Variants in STIM1 observed in about 807,000 individuals in gnomAD.
STIM1 encodes the protein stromal interaction molecule 1.
A neutral mutation model predicts 74.7 loss-of-function variants in STIM1; 25 were observed. That is an observed-to-expected ratio of 0.33 (90% CI 0.24 to 0.47). STIM1 has a LOEUF of 0.47. Among genes scored for constraint, STIM1 ranks in the 20% least tolerant of loss-of-function variants. The probability of loss-of-function intolerance (pLI) is 1.00; values close to 1 mark genes in which losing one functional copy is unlikely to be tolerated. For synonymous variants in STIM1, 328 were observed against 348.8 expected (o/e 0.94, Z 0.66); for missense variants, 728 against 920.8 (o/e 0.79, Z 2.71).
intron 3 of STIM1, among the ~76,000 whole-genome samples, chr11:4,035,526 G>A (rs1286501372): frequency 6.6e-6 from 1 of 151,230 alleles, no homozygotes; most frequent in Non-Finnish European, 1.5e-5. Context: ...ATGAAATGTT[G>A]TGCTTTTTTT....
chr11:4,058,638 T>A (rs1399092254), intron 4 of STIM1: 1 of 251,680 alleles, frequency 4.0e-6, no homozygotes, highest in Non-Finnish European at 6.3e-6. Context: ...TTCACAGGCT[T>A]TCTCTTATTA....
chr11:3,972,912 C>G (rs551190485), intron 2 of STIM1: 2 of 499,916 alleles, frequency 4.0e-6, no homozygotes, highest in African/African-American at 2.0e-5. Context: ...TTCCTCCTTT[C>G]GTGCATCCAA....
chr11:3,864,532 G>A (rs2090774878), intron 1 of STIM1, among the ~76,000 whole-genome samples: 1 of 152,210 alleles, frequency 6.6e-6, no homozygotes, highest in South Asian at 2.1e-4. Context: ...TGGACATGAT[G>A]ATTGGTTTCC....
chr11:3,989,909 C>A (rs1018645530), intron 2 of STIM1, among the ~76,000 whole-genome samples: 2 of 152,196 alleles, frequency 1.3e-5, no homozygotes, highest in Non-Finnish European at 2.9e-5. Context: ...AAAGAATTCA[C>A]ATACCGTGCA....
intron 1 of STIM1, among the ~76,000 whole-genome samples, chr11:3,926,386 T>C (rs923638904): frequency 1.3e-5 from 2 of 152,230 alleles, no homozygotes; most frequent in African/African-American, 2.4e-5. Context: ...TGGTAAAGCA[T>C]AATTCTTATA....
chr11:3,856,285 C>G lies in STIM1; in HGVS notation c.15C>G (p.Val5=). 1 of 1,614,184 alleles carries G rather than the reference C, an allele frequency of 6.2e-7. No homozygotes were observed. Among genetic ancestry groups the G allele is most frequent in the Non-Finnish European group, 8.5e-7 (1 of 1,180,042 alleles). The change falls in exon 1 of 13, where the codon GTC becomes GTG. Residue 5 remains valine, a synonymous_variant. Coordinates refer to ENST00000526596, the MANE Select transcript of STIM1 (RefSeq NM_001382567.1). ...GACCTAGAGTCATGGATGTATGCGT[C>G]CGTCTTGCCCTGTGGCTCCTCTGGG... is the stretch of plus-strand genomic sequence containing the variant. MDVC[V]RLALWLLWGL...
intron 1 of STIM1, among the ~76,000 whole-genome samples, chr11:3,864,508 AC>A (rs1565094335): frequency 6.6e-6 from 1 of 152,178 alleles, no homozygotes; most frequent in Non-Finnish European, 1.5e-5. Context: ...ATGGGCCTCT[AC>A]ACTGGGCTAT....
At chr11:3,916,372 C>T (rs1178581763) in intron 1 of STIM1, among the ~76,000 whole-genome samples, 1 of 151,832 alleles carries the variant, frequency 6.6e-6, no homozygotes, top group East Asian at 1.9e-4. Context: ...CTGCCAACCT[C>T]TGCCACCTGG....
chr11:4,042,590 A>G (rs576941391), intron 3 of STIM1, among the ~76,000 whole-genome samples: 2 of 152,148 alleles, frequency 1.3e-5, no homozygotes, highest in South Asian at 4.2e-4. Flanking sequence ...GGAGTTTGAG[A>G]CCACTTGTTT....
intron 1 of STIM1, among the ~76,000 whole-genome samples, chr11:3,891,624 C>T (rs188127081): frequency 6.6e-6 from 1 of 152,130 alleles, no homozygotes; most frequent in African/African-American, 2.4e-5. Flanking sequence ...ATCCTCCTAC[C>T]AGATTTTAAA....
intron 2 of STIM1, among the ~76,000 whole-genome samples, chr11:4,020,605 C>G (rs987391309): frequency 2.7e-5 from 4 of 150,002 alleles, no homozygotes; most frequent in East Asian, 3.9e-4. Flanking sequence ...TCTTTTTTCT[C>G]TGAGACAAGG....
chr11:3,862,551 A>G (rs1231800213), intron 1 of STIM1, among the ~76,000 whole-genome samples: 1 of 152,184 alleles, frequency 6.6e-6, no homozygotes, highest in East Asian at 1.9e-4. Flanking sequence ...AGAGTTGCAT[A>G]TGCATCAGAA....
chr11:3,887,986 A>AAAAT (rs1367378433), intron 1 of STIM1: 2 of 151,898 alleles, frequency 1.3e-5, no homozygotes, highest in African/African-American at 4.9e-5. Context: ...AAAAAAAAAA[A>AAAAT]ATAGGACATC....
intron 3 of STIM1, chr11:4,049,622 C>T (rs1590673652): frequency 6.6e-6 from 1 of 151,768 alleles, no homozygotes; most frequent in African/African-American, 2.4e-5. Context: ...AGTCACTGTG[C>T]CTGGCCTGTC....
chr11:4,072,636 G>A (rs944289872), intron 6 of STIM1, among the ~76,000 whole-genome samples: 1 of 152,188 alleles, frequency 6.6e-6, no homozygotes, highest in Non-Finnish European at 1.5e-5. Flanking sequence ...ATGAAAGGGT[G>A]TCAGTCTTGA....
chr11:3,881,495 C>A (rs988604452), intron 1 of STIM1, among the ~76,000 whole-genome samples: 1 of 151,306 alleles, frequency 6.6e-6, no homozygotes, highest in African/African-American at 2.4e-5. Flanking sequence ...CTGAGCCTCC[C>A]GATTAGCTGG....
intron 2 of STIM1, among the ~76,000 whole-genome samples, chr11:3,971,553 A>C (rs1332306568): frequency 6.6e-6 from 1 of 152,038 alleles, no homozygotes; most frequent in Non-Finnish European, 1.5e-5. Flanking sequence ...CAAAAAAACA[A>C]AACAAAACAA....
intron 2 of STIM1, among the ~76,000 whole-genome samples, chr11:3,975,943 A>C (rs2093443754): frequency 6.6e-6 from 1 of 152,244 alleles, no homozygotes. Flanking sequence ...TTTCTTACAA[A>C]GTTAAATATA....
chr11:3,995,693 AG>A (rs754053006), intron 2 of STIM1, among the ~76,000 whole-genome samples: 2 of 151,960 alleles, frequency 1.3e-5, no homozygotes, highest in African/African-American at 4.8e-5. Context: ...CACCCAGGCT[AG>A]AGTGCAGTGG....
Sources: gnomAD v4.1 joint callset for allele counts (sites outside exome capture counted in the v4.1 genomes callset) on GRCh38, gnomAD v4.1.1 for gene constraint, MANE v1.5 for transcripts, NCBI Gene and HGNC (gene_info 2026-07-23, HGNC 2026-07-21) for gene names.